Variants in TMC1 observed in about 807,000 individuals in gnomAD.
The protein encoded by TMC1 is transmembrane channel like 1.
A neutral mutation model predicts 105.8 loss-of-function variants in TMC1; 84 were observed. The ratio of observed to expected loss-of-function variants is 0.79; its 90% CI spans 0.67 to 0.95. The LOEUF (loss-of-function observed/expected upper bound fraction) is 0.95, where lower values mean the gene tolerates loss of function less well. Ranked by LOEUF, TMC1 falls within the 40% of genes least tolerant of loss-of-function variation. The pLI is 0.00. For missense variants in TMC1, 817 were observed against 914.1 expected, an observed-to-expected ratio of 0.89 and a Z score of 1.37; for synonymous variants, 315 against 311.5, an observed-to-expected ratio of 1.01 and a Z score of -0.12.
chr9:72,628,136 T>C, intron 4 of TMC1, 73 bp downstream of exon 4: 1 of 454,738 alleles, frequency 2.2e-6, no homozygotes, highest in South Asian at 1.6e-5. Flanking sequence ...CATGCTATGT[T>C]TAATCACGCA....
chr9:72,763,085 C>CTTTTTTT (rs148498655), intron 12 of TMC1, among the ~76,000 whole-genome samples: 2 of 109,488 alleles, frequency 1.8e-5, no homozygotes, highest in South Asian at 3.1e-4. Flanking sequence ...CTAGCGATGC[C>CTTTTTTT]TTTTTTTTTT....
chr9:72,788,230 A>G (rs1212701488), intron 13 of TMC1, 109 bp from the exon 14 acceptor site: 20 of 1,156,958 alleles, frequency 1.7e-5, no homozygotes, highest in Non-Finnish European at 2.4e-5. Context: ...TATAAAATAT[A>G]TGTCTTTTTG....
intron 4 of TMC1, among the ~76,000 whole-genome samples, chr9:72,635,889 A>G (rs1825525498): frequency 6.6e-6 from 1 of 152,218 alleles, no homozygotes; most frequent in Admixed American, 6.5e-5. Context: ...AGATAAATTC[A>G]TCACCTAAGG....
intron 20 of TMC1, among the ~76,000 whole-genome samples, chr9:72,823,020 T>G (rs1373885152): frequency 6.6e-6 from 1 of 152,234 alleles, no homozygotes; most frequent in Non-Finnish European, 1.5e-5. Context: ...ATTTTTTATT[T>G]TTAAAATTAT....
chr9:72,752,441 G>T (rs1354830546), intron 11 of TMC1, among the ~76,000 whole-genome samples: 3 of 111,318 alleles, frequency 2.7e-5, no homozygotes, highest in African/African-American at 8.7e-5. Context: ...GTAAGATAAT[G>T]CCCACAACAC....
At chr9:72,759,122 G>A (rs569284879) in intron 12 of TMC1, among the ~76,000 whole-genome samples, 3 of 152,226 alleles carry the variant, frequency 2.0e-5, no homozygotes, top group African/African-American at 7.2e-5. Flanking sequence ...GAGGAAGTGG[G>A]GTTATTAGAA....
chr9:72,703,467 G>A (rs1826679660), intron 8 of TMC1, among the ~76,000 whole-genome samples: 1 of 152,150 alleles, frequency 6.6e-6, no homozygotes, highest in South Asian at 2.1e-4. Flanking sequence ...CAGATGTTCA[G>A]CTTTTCATGA....
At chr9:72,690,026 CT>C (rs373318488) in intron 6 of TMC1, among the ~76,000 whole-genome samples, 79 of 151,970 alleles carry the variant, frequency 5.2e-4, no homozygotes, top group African/African-American at 1.8e-3. Flanking sequence ...TCTTTTGTCC[CT>C]TTTTTATCTC....
At chr9:72,574,379 TGATCCCTTGGCTCAGAAACA>T (rs138912934) in intron 1 of TMC1, among the ~76,000 whole-genome samples, 2,556 of 152,334 alleles carry the variant, frequency 0.017, 76 homozygotes, top group African/African-American at 0.058. Context: ...CCATCCTGAC[TGATCCCTTGGCTCAGAAACA>T]GATATGGTGC....
At chr9:72,631,419 G>A (rs1359120745) in intron 4 of TMC1, among the ~76,000 whole-genome samples, 1 of 152,014 alleles carries the variant, frequency 6.6e-6, no homozygotes, top group East Asian at 1.9e-4. Context: ...GATTTCTTTT[G>A]GGATAGCTCT....
chr9:72,732,519 T>G (rs1024937873), intron 8 of TMC1, among the ~76,000 whole-genome samples: 4 of 149,898 alleles, frequency 2.7e-5, no homozygotes, highest in African/African-American at 9.9e-5. Context: ...GAGCCAAGAT[T>G]GCACCACTGC....
chr9:72,782,702 AG>A (rs1444367420), intron 13 of TMC1, among the ~76,000 whole-genome samples: 4 of 152,216 alleles, frequency 2.6e-5, no homozygotes, highest in African/African-American at 9.7e-5. Flanking sequence ...AGCCACAAAA[AG>A]AATATAATAT....
At chr9:72,775,954 G>T (rs185253537) in intron 13 of TMC1, among the ~76,000 whole-genome samples, 5 of 152,298 alleles carry the variant, frequency 3.3e-5, no homozygotes, top group Non-Finnish European at 7.4e-5. Flanking sequence ...CCCTGCAAAA[G>T]AAGGCATTAA....
intron 8 of TMC1, among the ~76,000 whole-genome samples, chr9:72,716,221 GT>G (rs1441993651): frequency 6.6e-6 from 1 of 152,250 alleles, no homozygotes; most frequent in Non-Finnish European, 1.5e-5. Context: ...GTGTTTCCCA[GT>G]CAGTATACCT....
intron 5 of TMC1, among the ~76,000 whole-genome samples, chr9:72,663,976 A>G (rs1195242248): frequency 6.6e-6 from 1 of 152,090 alleles, no homozygotes; most frequent in African/African-American, 2.4e-5. Flanking sequence ...ATTATCCACC[A>G]CCTCCACATC....
chr9:72,556,752 G>T (rs1406526163), intron 1 of TMC1, among the ~76,000 whole-genome samples: 1 of 152,012 alleles, frequency 6.6e-6, no homozygotes, highest in Non-Finnish European at 1.5e-5. Context: ...AACCTGGGAG[G>T]CGGAGGTTGC....
chr9:72,660,161 A>G (rs976114541), intron 5 of TMC1, among the ~76,000 whole-genome samples: 2 of 152,178 alleles, frequency 1.3e-5, no homozygotes, highest in Middle Eastern at 3.2e-3. Context: ...ATGAAGCACC[A>G]TGACACTTCC....
At chr9:72,802,754 A>G (rs1442305744) in intron 17 of TMC1, among the ~76,000 whole-genome samples, 1 of 152,226 alleles carries the variant, frequency 6.6e-6, no homozygotes, top group East Asian at 1.9e-4. Context: ...ATGTGAAAAC[A>G]TTCCATGCTC....
intron 5 of TMC1, among the ~76,000 whole-genome samples, chr9:72,677,149 C>T (rs1405342375): frequency 6.6e-6 from 1 of 151,778 alleles, no homozygotes; most frequent in Non-Finnish European, 1.5e-5. Context: ...CACACACACA[C>T]ACACACACAC....
Sources: allele counts gnomAD v4.1 joint callset (sites outside exome capture counted in the v4.1 genomes callset), GRCh38; gene constraint gnomAD v4.1.1; transcripts MANE v1.5; gene names NCBI Gene and HGNC (gene_info 2026-07-23, HGNC 2026-07-21).